The following CSMD1 variants were observed in gnomAD, a reference collection of about 807,000 sequenced individuals.
CSMD1 encodes the protein CUB and sushi domain-containing protein 1.
Under a neutral mutation model 417.5 loss-of-function variants are expected in CSMD1, and 213 were observed. That is an observed-to-expected ratio of 0.51 (90% confidence interval 0.46 to 0.57). CSMD1 has a LOEUF of 0.57. CSMD1 is among the 20% of genes least tolerant of loss of function. The probability of loss-of-function intolerance (pLI) is 0.00; values close to 1 mark genes in which losing one functional copy is unlikely to be tolerated. For synonymous variants in CSMD1, 2,862 were observed against 1,736.8 expected (o/e 1.65, Z -16.11); for missense variants, 6,923 against 4,529.7 (o/e 1.53, Z -15.17).
chr8:4,294,085 A>G (rs759267750), intron 3 of CSMD1, among the ~76,000 whole-genome samples: 2 of 152,188 alleles, frequency 1.3e-5, no homozygotes, highest in African/African-American at 2.4e-5. Context: ...GCGAAGTTGA[A>G]GTTCTATATT....
chr8:3,733,299 T>A (rs1796362805), intron 6 of CSMD1, among the ~76,000 whole-genome samples: 1 of 147,752 alleles, frequency 6.8e-6, no homozygotes, highest in Non-Finnish European at 1.5e-5. Context: ...TACATATGAA[T>A]ATATATACAC....
At chr8:4,277,117 T>G (rs1316947225) in intron 3 of CSMD1, among the ~76,000 whole-genome samples, 1 of 152,150 alleles carries the variant, frequency 6.6e-6, no homozygotes, top group Non-Finnish European at 1.5e-5. Context: ...TTAAAAATAG[T>G]TCCTTCATAA....
intron 1 of CSMD1, among the ~76,000 whole-genome samples, chr8:4,858,505 T>G (rs1293208946): frequency 1.3e-5 from 2 of 151,564 alleles, no homozygotes; most frequent in African/African-American, 4.9e-5. Context: ...TGATTGTATA[T>G]CCAGAAAACC....
chr8:3,629,183 C>T (rs568144515), intron 7 of CSMD1, among the ~76,000 whole-genome samples: 18 of 152,150 alleles, frequency 1.2e-4, no homozygotes, highest in African/African-American at 4.3e-4. Flanking sequence ...GGGGAACTTG[C>T]TTGTAAAGGG....
At chr8:3,182,860 G>GTGTGTGTGTGTGTGTGTT in intron 36 of CSMD1, 1 of 122,084 alleles carries the variant, frequency 8.2e-6, no homozygotes, top group South Asian at 3.1e-4. Context: ...GTGTGTGTGT[G>GTGTGTGTGTGTGTGTGTT]TGTGTGTGTG....
chr8:4,613,920 G>A (rs1440274136), intron 2 of CSMD1, among the ~76,000 whole-genome samples: 2 of 149,868 alleles, frequency 1.3e-5, no homozygotes, highest in Non-Finnish European at 3.0e-5. Context: ...TTGAAATTTA[G>A]TAGAGATAGA....
intron 55 of CSMD1, among the ~76,000 whole-genome samples, chr8:2,977,464 G>A (rs368933063): frequency 7.9e-5 from 12 of 152,276 alleles, no homozygotes; most frequent in African/African-American, 2.9e-4. Context: ...CACGTTCCAC[G>A]GTGTGTATGT....
rs560195438 is a variant in CSMD1 at position 3,839,376 on chromosome 8, G to A, written c.819-85334C>T. ...ATAATATTAATATATACTCTCTCTA[G>A]ATATACAGTCTCCATATATATTTAT... On this transcript the variant is annotated intron_variant, in intron 5 of 69. Coordinates refer to ENST00000635120, the MANE Select transcript of CSMD1 (RefSeq NM_033225.6). 3.2e-3 allele frequency among the ~76,000 whole-genome samples: 198 copies of A among 61,484 alleles called. 4 individuals are homozygous for A. The Admixed American group carries it at 0.048, about 15-fold the overall frequency. The allele number at this position is 61,484 out of a possible 152,430, so 40.3% of individuals were successfully genotyped here. A position where few individuals can be genotyped will look rare whatever the true frequency, so the allele number is the denominator to read the frequency against.
intron 3 of CSMD1, among the ~76,000 whole-genome samples, chr8:4,055,196 AT>A (rs1798629223): frequency 1.3e-5 from 2 of 152,168 alleles, no homozygotes; most frequent in Admixed American, 1.3e-4. Flanking sequence ...TAAAACTTCA[AT>A]TTTCTTATTC....
intron 2 of CSMD1, among the ~76,000 whole-genome samples, chr8:4,443,388 C>A (rs138241604): frequency 5.7e-4 from 87 of 152,206 alleles, no homozygotes; most frequent in African/African-American, 2.0e-3. Flanking sequence ...ACAAAGGCAA[C>A]AAAACACAGT....
intron 39 of CSMD1, among the ~76,000 whole-genome samples, chr8:3,156,322 A>T (rs1198869109): frequency 6.6e-6 from 1 of 152,202 alleles, no homozygotes; most frequent in Non-Finnish European, 1.5e-5. Flanking sequence ...CAGAAGTGTG[A>T]CTGTTATAAT....
chr8:3,157,234 G>A (rs898026438), intron 39 of CSMD1, among the ~76,000 whole-genome samples: 1 of 152,096 alleles, frequency 6.6e-6, no homozygotes. Flanking sequence ...GGGCCTGAAT[G>A]ATGGGGAGCA....
In CSMD1 at chr8:3,523,477, C is replaced by T. The variant is rs533161607; in HGVS notation, c.1345-29751G>A. ...ATAAGGTGCCTAAAGTCCAATTCGCCCACCTGTGGATGGCTGGCAGCAGAA... is the reference window on the plus strand; with the variant it reads ...ATAAGGTGCCTAAAGTCCAATTCGCTCACCTGTGGATGGCTGGCAGCAGAA... On this transcript the variant is annotated intron_variant, in intron 10 of 69. Transcript: ENST00000635120. 2.6e-5 allele frequency among the ~76,000 whole-genome samples: 4 copies of T among 152,196 alleles called. No homozygotes were observed. The South Asian group carries it at 8.3e-4, about 32-fold the overall frequency.
At chr8:4,957,692 G>A (rs148933251) in intron 1 of CSMD1, among the ~76,000 whole-genome samples, 1 of 152,140 alleles carries the variant, frequency 6.6e-6, no homozygotes, top group Non-Finnish European at 1.5e-5. Flanking sequence ...CATTGCTATA[G>A]TAAGATTTTT....
intron 3 of CSMD1, among the ~76,000 whole-genome samples, chr8:4,097,714 A>G (rs1209958414): frequency 6.6e-6 from 1 of 152,234 alleles, no homozygotes; most frequent in African/African-American, 2.4e-5. Flanking sequence ...AGAACATTCA[A>G]CATAAGGTTA....
chr8:4,899,842 C>T (rs538115768), intron 1 of CSMD1, among the ~76,000 whole-genome samples: 1 of 152,266 alleles, frequency 6.6e-6, no homozygotes, highest in South Asian at 2.1e-4. Context: ...GCAGGTCTTG[C>T]AGATAGCTTT....
At chr8:4,468,119 T>G (rs1039660900) in intron 2 of CSMD1, among the ~76,000 whole-genome samples, 1 of 152,188 alleles carries the variant, frequency 6.6e-6, no homozygotes, top group Non-Finnish European at 1.5e-5. Context: ...AAAATTCAGA[T>G]ATAACTTTTT....
intron 36 of CSMD1, among the ~76,000 whole-genome samples, chr8:3,184,439 T>C (rs745366249): frequency 1.7e-4 from 26 of 152,200 alleles, no homozygotes; most frequent in Non-Finnish European, 3.4e-4. Context: ...AGACCAACGG[T>C]GCCATGCAAA....
chr8:3,194,545 C>T (rs1461889128), intron 33 of CSMD1, among the ~76,000 whole-genome samples: 5 of 151,610 alleles, frequency 3.3e-5, no homozygotes, highest in South Asian at 4.1e-4. Context: ...ACAATCTCCA[C>T]GTCCCAGGTT....
Sources: allele counts gnomAD v4.1 joint callset (sites outside exome capture counted in the v4.1 genomes callset), GRCh38; gene constraint gnomAD v4.1.1; transcripts MANE v1.5; gene names NCBI Gene and HGNC (gene_info 2026-07-23, HGNC 2026-07-21).